Variants in SP6 observed in about 807,000 individuals in gnomAD.
SP6 encodes Sp6 transcription factor.
SP6 carries 10 observed loss-of-function variants against 23.4 expected under a neutral mutation model. That is an observed-to-expected ratio of 0.43 (90% CI 0.26 to 0.72). SP6 has a LOEUF of 0.72. SP6 is among the 30% of genes least tolerant of loss of function. The pLI is 0.23. For synonymous variants in SP6, 238 were observed against 238.7 expected (o/e 1.00, Z 0.03); for missense variants, 482 against 523.8 (o/e 0.92, Z 0.78).
chr17:47,861,280 G>A, the SP6 span, among the ~76,000 whole-genome samples: 2 of 152,154 alleles, frequency 1.3e-5, no homozygotes, highest in Non-Finnish European at 1.5e-5. Context: ...CCGGGGTGGG[G>A]GCCTGTCTGG....
At chr17:47,854,889 C>T (rs761640524), upstream of SP6, among the ~76,000 whole-genome samples, 12 of 152,216 alleles carry the variant, frequency 7.9e-5, no homozygotes, top group Admixed American at 1.3e-4. Flanking sequence ...CTCCCACCTT[C>T]GGGCTGCACT....
chr17:47,874,522 C>G, the SP6 span, among the ~76,000 whole-genome samples: 1 of 152,294 alleles, frequency 6.6e-6, no homozygotes, highest in Non-Finnish European at 1.5e-5. Context: ...GCCTGGACAA[C>G]AGAGCAAGAC....
chr17:47,865,637 C>T, the SP6 span, among the ~76,000 whole-genome samples: 853 of 152,266 alleles, frequency 5.6e-3, 9 homozygotes, highest in African/African-American at 0.02. Context: ...AGGATAAGAA[C>T]CAGTGGGTTC....
In SP6 at chr17:47,848,354, G is replaced by T; in HGVS notation, c.76C>A (p.Leu26Met). 6.2e-7 allele frequency: 1 copy of T among 1,600,372 alleles called. No homozygotes were observed. The highest frequency in any genetic ancestry group is 8.5e-7 in the Non-Finnish European group (1 of 1,173,522). ...APHASPPRLD[L>M]QPLQTYQGHT... is the part of the protein sequence containing the mutation. The stretch of plus-strand genomic sequence containing the variant: ...CCCTGGTAAGTTTGGAGAGGCTGCA[G>T]GTCGAGGCGCGGCGGGGAGGCGTGC... Residue 26 changes from leucine (L) to methionine (M), a missense_variant, in exon 2 of 2, where the codon CTG becomes ATG. Leu to Met is a conservative substitution (Grantham distance 15). Transcript: ENST00000536300. The surrounding 1 kb of genome is among the most constrained non-coding windows in gnomAD (Gnocchi z 5.3).
the SP6 span, among the ~76,000 whole-genome samples, chr17:47,868,861 C>T: frequency 2.6e-5 from 4 of 152,302 alleles, no homozygotes; most frequent in South Asian, 2.1e-4. Flanking sequence ...CCCTCTTCTC[C>T]GCTCTGCAGG....
Position 47,847,170 on chromosome 17 carries a change from C to T in SP6, c.*129G>A, listed in dbSNP as rs773521330. 1.6e-4 allele frequency: 157 copies of T among 1,001,886 alleles called. No individual in the cohort carries two copies. Among genetic ancestry groups the T allele is most frequent in the Non-Finnish European group, 2.2e-4 (156 of 703,978 alleles). The allele number at this position is 1,001,886 out of a possible 1,614,324, so 62.1% of individuals were successfully genotyped here. A position where few individuals can be genotyped will look rare whatever the true frequency, so the allele number is the denominator to read the frequency against. Reference sequence around the variant, plus strand: ...AGCGCCCCATCTCCCTGTCCCTGCACCACTTTTCCTCCTCCCTGAATAAAT... The same window carrying T: ...AGCGCCCCATCTCCCTGTCCCTGCATCACTTTTCCTCCTCCCTGAATAAAT... On this transcript the variant is annotated 3_prime_UTR_variant, in exon 2 of 2. Coordinates refer to ENST00000536300, the MANE Select transcript of SP6 (RefSeq NM_001258248.2).
chr17:47,847,079 T>G lies in SP6; in HGVS notation c.*220A>C. ...TGAGGCAGGGGAGAACAGAGGGGCATTGCGCAGCTCCTACCGACCCAGTCA... is the reference window on the plus strand; with the variant it reads ...TGAGGCAGGGGAGAACAGAGGGGCAGTGCGCAGCTCCTACCGACCCAGTCA... On this transcript the variant is annotated 3_prime_UTR_variant, in exon 2 of 2. Coordinates refer to ENST00000536300, the MANE Select transcript of SP6 (RefSeq NM_001258248.2). 1.7e-6 allele frequency: 1 copy of G among 573,348 alleles called. No individual in the cohort carries two copies. Among genetic ancestry groups the G allele is most frequent in the East Asian group, 3.0e-5 (1 of 33,674 alleles). The allele number at this position is 573,348 out of a possible 1,614,324, so 35.5% of individuals were successfully genotyped here.
At chr17:47,862,699 G>A in the SP6 span, among the ~76,000 whole-genome samples, 15 of 152,296 alleles carry the variant, frequency 9.8e-5, no homozygotes, top group East Asian at 1.3e-3. Context: ...ACCAAGATTC[G>A]TAGAGGGGAA....
At chr17:47,871,484 T>C in the SP6 span, among the ~76,000 whole-genome samples, 1 of 152,362 alleles carries the variant, frequency 6.6e-6, no homozygotes, top group East Asian at 1.9e-4. Context: ...TAATTGTTTG[T>C]TCTAGGTCTT....
chr17:47,864,001 C>CT, the SP6 span, among the ~76,000 whole-genome samples: 13,078 of 101,496 alleles, frequency 0.13, 1,663 homozygotes, highest in Admixed American at 0.15. Context: ...CCGCGCCTGG[C>CT]TTTTTTTTTT....
At chr17:47,861,001 G>C in the SP6 span, among the ~76,000 whole-genome samples, 5 of 152,254 alleles carry the variant, frequency 3.3e-5, no homozygotes, top group African/African-American at 4.8e-5. Context: ...AGGGGAATTA[G>C]AGAGGAGGCT....
chr17:47,848,166 G>A lies in SP6; in HGVS notation c.264C>T (p.Ala88=). The A allele has an allele frequency of 1.9e-6, 3 of 1,613,346 alleles. No homozygotes were observed. Among genetic ancestry groups the A allele is most frequent in the Non-Finnish European group, 2.5e-6 (3 of 1,179,994 alleles). The part of the protein sequence containing the change: ...CEDLESDSPL[A]PGPFSKLLQP... ...GCAGGAGCTTGGAAAAGGGGCCCGG[G>A]GCCAAGGGACTGTCGCTTTCCAGGT... Residue 88 remains alanine (A), a synonymous_variant, in exon 2 of 2, where the codon GCC becomes GCT. Transcript: ENST00000536300. The surrounding 1 kb of genome is among the most constrained non-coding windows in gnomAD (Gnocchi z 5.3).
At chr17:47,874,375 G>A in the SP6 span, among the ~76,000 whole-genome samples, 1 of 152,024 alleles carries the variant, frequency 6.6e-6, no homozygotes, top group African/African-American at 2.4e-5. Context: ...ACAGATGTAA[G>A]CCACCACACC....
At chr17:47,870,441 T>A in the SP6 span, among the ~76,000 whole-genome samples, 5 of 152,080 alleles carry the variant, frequency 3.3e-5, no homozygotes, top group South Asian at 1.0e-3. Flanking sequence ...CTTCTTTCTC[T>A]CCACCCAGGA....
chr17:47,858,767 C>CTTTTTTTTT (rs36092685), upstream of SP6, among the ~76,000 whole-genome samples: 2 of 92,662 alleles, frequency 2.2e-5, no homozygotes, highest in Non-Finnish European at 2.0e-5. Flanking sequence ...GATGAAGCAT[C>CTTTTTTTTT]TTTTTTTTTT....
At position 47,847,608 on chromosome 17, in the gene SP6, G is replaced by A. The variant is rs756800281; in HGVS notation, c.822C>T (p.His274=). 6.8e-6 allele frequency: 11 copies of A among 1,613,626 alleles called. No homozygotes were observed. Among genetic ancestry groups the A allele is most frequent in the Non-Finnish European group, 9.3e-6 (11 of 1,179,950 alleles). Residue 274 remains histidine (H), a synonymous_variant, in exon 2 of 2, where the codon CAC becomes CAT. Coordinates refer to ENST00000536300, the MANE Select transcript of SP6 (RefSeq NM_001258248.2). ...GACGGTCGCCGCTGTGCCAGCGCAG[G>A]TGCGCCTTCAGGTGCGACGTCTTGG... ...AYAKTSHLKA[H]LRWHSGDRPF...
the SP6 span, among the ~76,000 whole-genome samples, chr17:47,873,476 T>A: frequency 2.2e-4 from 33 of 152,290 alleles, no homozygotes; most frequent in African/African-American, 7.7e-4. Context: ...GCATGCCAGC[T>A]GGGGGAGGGG....
chr17:47,857,899 C>T (rs1001273365), upstream of SP6, among the ~76,000 whole-genome samples: 7 of 152,058 alleles, frequency 4.6e-5, no homozygotes, highest in African/African-American at 1.7e-4. Context: ...ATCTCAGCTC[C>T]CCTACCCGCC....
chr17:47,849,288 C>T (rs934191987), intron 1 of SP6, among the ~76,000 whole-genome samples: 2 of 152,330 alleles, frequency 1.3e-5, no homozygotes, highest in Non-Finnish European at 2.9e-5. Flanking sequence ...TCTTCCTCTC[C>T]ATGCTAGGGG....
Sources: allele counts gnomAD v4.1 joint callset (sites outside exome capture counted in the v4.1 genomes callset), GRCh38; gene constraint gnomAD v4.1.1; non-coding constraint Gnocchi (gnomAD v3.1); transcripts MANE v1.5; gene names NCBI Gene and HGNC (gene_info 2026-07-23, HGNC 2026-07-21).